Variants in UNK observed in about 807,000 individuals in gnomAD.
The protein encoded by UNK is RING finger protein unkempt homolog.
In UNK, 32 loss-of-function variants were observed where a neutral mutation model predicts 97.6. The ratio of observed to expected loss-of-function variants is 0.33; its 90% CI spans 0.25 to 0.44. UNK has a LOEUF of 0.44. Among genes scored for constraint, UNK ranks in the 20% least tolerant of loss-of-function variants. The probability of loss-of-function intolerance (pLI) is 1.00; values close to 1 mark genes in which losing one functional copy is unlikely to be tolerated. For missense variants in UNK, 771 were observed against 1,098.4 expected, an observed-to-expected ratio of 0.70 and a Z score of 4.21; for synonymous variants, 441 against 461.2, an observed-to-expected ratio of 0.96 and a Z score of 0.56.
In UNK at chr17:75,825,787, A is replaced by G. The variant is rs2062114894; in HGVS notation, c.*1370A>G. On this transcript the variant is annotated 3_prime_UTR_variant, in exon 16 of 16. Coordinates refer to ENST00000589666, the MANE Select transcript of UNK (RefSeq NM_001080419.3). This position sits in a 1 kb window ranked among gnomAD's most constrained non-coding sequence, Gnocchi z 4.4. ...AAGCTCCAAACCTATTGGAAATAAA[A>G]TATGAACTTGCAGTGGTAGCTTGTT... The G allele has an allele frequency of 6.6e-6, 1 of 152,244 alleles. No homozygotes were observed. The highest frequency in any genetic ancestry group is 2.1e-4 in the South Asian group (1 of 4,840). 9.4% of individuals were successfully genotyped at this position (152,244 alleles called of 1,614,324 possible).
chr17:75,809,989 C>T lies in UNK; in HGVS notation c.314+20C>T. ...CGACGAGTGAGTGACCCAGCCTGTCCTCAGAGGAGCCCCGTGTCTCCTTCT... is the reference window on the plus strand; with the variant it reads ...CGACGAGTGAGTGACCCAGCCTGTCTTCAGAGGAGCCCCGTGTCTCCTTCT... On this transcript the variant is annotated intron_variant, in intron 2 of 15. Coordinates refer to ENST00000589666, the MANE Select transcript of UNK (RefSeq NM_001080419.3). The T allele has an allele frequency of 1.2e-6, 2 of 1,612,376 alleles. No homozygotes were observed. The highest frequency in any genetic ancestry group is 1.1e-5 in the South Asian group (1 of 91,056).
intron 13 of UNK, 61 bp from the exon 14 acceptor site, chr17:75,822,416 G>A: frequency 2.0e-6 from 3 of 1,534,128 alleles, no homozygotes; most frequent in Non-Finnish European, 8.8e-7. Context: ...CTGAGGCAGG[G>A]CTGGCCAGGG....
At chr17:75,801,515 CTT>C (rs1173263032) in intron 1 of UNK, among the ~76,000 whole-genome samples, 4 of 151,830 alleles carry the variant, frequency 2.6e-5, no homozygotes, top group Non-Finnish European at 4.4e-5. Context: ...GACCCTGTCT[CTT>C]TATTTAAATA....
intron 1 of UNK, chr17:75,791,672 A>C (rs1188199173): frequency 1.1e-6 from 1 of 937,688 alleles, no homozygotes; most frequent in Admixed American, 6.2e-5. Context: ...GTAGATTCTT[A>C]AACTTAACAC....
At chr17:75,812,620 A>G (rs371885528) in intron 4 of UNK, 35 bp downstream of exon 4, 6 of 1,602,030 alleles carry the variant, frequency 3.7e-6, no homozygotes, top group Non-Finnish European at 4.3e-6. Context: ...CGCCCTCCCT[A>G]TAATCCTGCT....
intron 4 of UNK, 125 bp from the exon 5 acceptor site, chr17:75,812,952 TC>T: frequency 7.4e-7 from 1 of 1,342,624 alleles, no homozygotes; most frequent in Non-Finnish European, 9.9e-7. Flanking sequence ...CCTACTCACA[TC>T]TGGCAGGGGC....
intron 1 of UNK, among the ~76,000 whole-genome samples, chr17:75,786,476 A>G (rs1372133370): frequency 1.3e-5 from 2 of 152,176 alleles, no homozygotes; most frequent in Non-Finnish European, 2.9e-5. Flanking sequence ...AGGCTTTCTT[A>G]TTTTGGAATT....
At chr17:75,814,263 A>G (rs991562667) in intron 6 of UNK, among the ~76,000 whole-genome samples, 6 of 152,058 alleles carry the variant, frequency 3.9e-5, no homozygotes, top group Non-Finnish European at 7.4e-5. Flanking sequence ...GCACTCTGGG[A>G]GGCCGAGGTG....
At chr17:75,802,717 T>C (rs942004957) in intron 1 of UNK, among the ~76,000 whole-genome samples, 13 of 152,208 alleles carry the variant, frequency 8.5e-5, no homozygotes, top group Non-Finnish European at 2.9e-5. Context: ...TGTGTTTGAC[T>C]GCAGCAGCTG....
At chr17:75,808,876 G>A (rs983796190) in intron 1 of UNK, 2 of 152,256 alleles carry the variant, frequency 1.3e-5, no homozygotes, top group Admixed American at 6.6e-5. Context: ...GGGGGTAAGT[G>A]GGTCTGGGGC....
chr17:75,787,852 T>A (rs2061727442), intron 1 of UNK, among the ~76,000 whole-genome samples: 1 of 149,244 alleles, frequency 6.7e-6, no homozygotes, highest in African/African-American at 2.5e-5. Flanking sequence ...AGACGTGATC[T>A]CTCTGTGTTA....
At chr17:75,821,916 C>T (rs1339454966) in intron 13 of UNK, 1 of 344,594 alleles carries the variant, frequency 2.9e-6, no homozygotes, top group East Asian at 7.8e-5. Flanking sequence ...CTGGCCCTAC[C>T]ACTTACAATT....
intron 1 of UNK, among the ~76,000 whole-genome samples, chr17:75,803,236 TA>T (rs772051949): frequency 7.4e-6 from 1 of 135,400 alleles, no homozygotes; most frequent in Non-Finnish European, 1.6e-5. Flanking sequence ...CCGTCTCTAC[TA>T]AAAAATACAA....
At position 75,816,188 on chromosome 17, in the gene UNK, G is replaced by A. The variant is rs974521623; in HGVS notation, c.962-582G>A. ...GATCCTCAGCATGATACTGTAGGCC[G>A]CCACCAGTCTCAGAGACAGAGCTCC... On this transcript the variant is annotated intron_variant, in intron 7 of 15. Transcript: ENST00000589666. This position sits in a 1 kb window ranked among gnomAD's most constrained non-coding sequence, Gnocchi z 4.0. 1.3e-5 allele frequency among the ~76,000 whole-genome samples: 2 copies of A among 152,156 alleles called. No homozygotes were observed. The highest frequency in any genetic ancestry group is 2.4e-5 in the African/African-American group (1 of 41,430).
chr17:75,819,104 A>G lies in UNK; in HGVS notation c.1546+288A>G, dbSNP rs2062042947. The G allele has an allele frequency of 2.8e-6, 1 of 359,098 alleles. No homozygotes were observed. Among genetic ancestry groups the G allele is most frequent in the African/African-American group, 2.1e-5 (1 of 47,186 alleles). 22.2% of individuals were successfully genotyped at this position (359,098 alleles called of 1,614,324 possible). ...GTGTTGTTCAGTCCCCACTCATCTC[A>G]CTGGTGTCCTTGTGTAGTGAATGGC... On this transcript the variant is annotated intron_variant, in intron 11 of 15. Transcript: ENST00000589666. The surrounding 1 kb of genome is among the most constrained non-coding windows in gnomAD (Gnocchi z 5.4).
In UNK at chr17:75,817,422, T is replaced by G; in HGVS notation, c.1201T>G (p.Phe401Val). ...RKPPNLEGIV[F>V]PGESGLAPGS... The stretch of plus-strand genomic sequence containing the variant: ...GCCCCCAAACCTGGAGGGCATCGTC[T>G]TCCCTGGGGAGTCTGGCCTGGCCCC... Residue 401 changes from phenylalanine (F) to valine (V), a missense_variant, in exon 9 of 16, where the codon TTC becomes GTC. Phe to Val is a conservative substitution (Grantham distance 50, BLOSUM62 -1). Around this residue, in one of 5 missense-constraint regions of UNK, gnomAD observed 192 missense variants for 202.4 expected, o/e 0.95. Coordinates refer to ENST00000589666, the MANE Select transcript of UNK (RefSeq NM_001080419.3). The surrounding 1 kb of genome is among the most constrained non-coding windows in gnomAD (Gnocchi z 5.8). The G allele has an allele frequency of 6.2e-7, 1 of 1,612,908 alleles. No homozygotes were observed. Among genetic ancestry groups the G allele is most frequent in the South Asian group, 1.1e-5 (1 of 91,062 alleles).
rs2062037490 is a variant in UNK, at chr17:75,818,565, A to T, written c.1372-77A>T. 1 of 1,483,822 alleles carries T rather than the reference A, an allele frequency of 6.7e-7. No homozygotes were observed. The highest frequency in any genetic ancestry group is 9.0e-7 in the Non-Finnish European group (1 of 1,105,678). The allele number at this position is 1,483,822 out of a possible 1,614,324, so 91.9% of individuals were successfully genotyped here. A position where few individuals can be genotyped will look rare whatever the true frequency, so the allele number is the denominator to read the frequency against. On this transcript the variant is annotated intron_variant, in intron 10 of 15. Coordinates refer to ENST00000589666, the MANE Select transcript of UNK (RefSeq NM_001080419.3). This position sits in a 1 kb window ranked among gnomAD's most constrained non-coding sequence, Gnocchi z 5.1. ...AGCACGGGCCATTTCCCTTGCCCCC[A>T]GCCCCTCTCCAGCCTCTCGTCCTGG...
In UNK at chr17:75,818,461, C is replaced by T. The variant is rs572022981; in HGVS notation, c.1372-181C>T. Among the ~76,000 whole-genome samples the T allele has an allele frequency of 6.6e-6, 1 of 152,306 alleles. No individual in the cohort carries two copies. Among genetic ancestry groups the T allele is most frequent in the East Asian group, 1.9e-4 (1 of 5,182 alleles). On this transcript the variant is annotated intron_variant, in intron 10 of 15. Coordinates refer to ENST00000589666, the MANE Select transcript of UNK (RefSeq NM_001080419.3). This position sits in a 1 kb window ranked among gnomAD's most constrained non-coding sequence, Gnocchi z 5.1. Reference sequence around the variant, plus strand: ...GGGCGAATGGGCCTGGCAGCCTCCGCACCTCCAACTCCATGCTCTCAACAA... The same window carrying T: ...GGGCGAATGGGCCTGGCAGCCTCCGTACCTCCAACTCCATGCTCTCAACAA...
chr17:75,801,669 C>T (rs958682534), intron 1 of UNK, among the ~76,000 whole-genome samples: 3 of 151,922 alleles, frequency 2.0e-5, no homozygotes, highest in Non-Finnish European at 4.4e-5. Flanking sequence ...GCCTCAGCCT[C>T]CTGAGTAGCT....
Sources: allele counts gnomAD v4.1 joint callset (sites outside exome capture counted in the v4.1 genomes callset), GRCh38; gene constraint gnomAD v4.1.1; regional missense constraint gnomAD v4.1.1; non-coding constraint Gnocchi (gnomAD v3.1); transcripts MANE v1.5; gene names NCBI Gene and HGNC (gene_info 2026-07-23, HGNC 2026-07-21).